Variants in MX1 observed in about 807,000 individuals in gnomAD.
MX1 encodes interferon-induced GTP-binding protein Mx1.
In MX1, 66 loss-of-function variants were observed where a neutral mutation model predicts 66.4. The ratio of observed to expected loss-of-function variants is 0.99; its 90% CI spans 0.82 to 1.22. The LOEUF is 1.22. Among genes scored for constraint, MX1 ranks in the 50% most tolerant of loss-of-function variants. The pLI is 0.00. For synonymous variants in MX1, 311 were observed against 318.1 expected (o/e 0.98, Z 0.24); for missense variants, 787 against 834.3 (o/e 0.94, Z 0.70).
At chr21:41,449,573 C>T (rs1368317015) in intron 14 of MX1, 2 of 315,458 alleles carry the variant, frequency 6.3e-6, no homozygotes, top group Non-Finnish European at 1.1e-5. Context: ...TCCTATTCTT[C>T]TGATGGACTG....
At chr21:41,431,558 C>T (rs2090213205) in intron 4 of MX1, among the ~76,000 whole-genome samples, 1 of 151,732 alleles carries the variant, frequency 6.6e-6, no homozygotes, top group African/African-American at 2.4e-5. Flanking sequence ...TGACTGCATC[C>T]TCTGCCTGCC....
Position 41,458,831 on chromosome 21 carries a change from C to A in MX1, c.*73C>A. Reference sequence around the variant, plus strand: ...CGTTCCCGGGTAGCCACTGGACTGACGACTTGAGTGCTCAGTAGTCAGACT... The same window carrying A: ...CGTTCCCGGGTAGCCACTGGACTGAAGACTTGAGTGCTCAGTAGTCAGACT... On this transcript the variant is annotated 3_prime_UTR_variant, in exon 17 of 17. Transcript: ENST00000398598. 6.5e-7 allele frequency: 1 copy of A among 1,540,560 alleles called. No individual in the cohort carries two copies. Among genetic ancestry groups the A allele is most frequent in the Non-Finnish European group, 8.7e-7 (1 of 1,146,394 alleles).
At chr21:41,434,019 G>A (rs1019521838) in intron 5 of MX1, among the ~76,000 whole-genome samples, 3 of 152,120 alleles carry the variant, frequency 2.0e-5, no homozygotes, top group Non-Finnish European at 4.4e-5. Flanking sequence ...GTGAATAGAG[G>A]CCAGGTATTT....
chr21:41,443,677 C>T (rs2090578934), intron 10 of MX1, 111 bp from the exon 11 acceptor site: 2 of 889,626 alleles, frequency 2.2e-6, no homozygotes, highest in Non-Finnish European at 3.8e-6. Context: ...CAAGACATTC[C>T]ATCCAGTTGT....
chr21:41,434,580 T>G (rs1031939560), intron 5 of MX1, among the ~76,000 whole-genome samples: 2 of 152,254 alleles, frequency 1.3e-5, no homozygotes, highest in African/African-American at 4.8e-5. Flanking sequence ...CATGTCTCCT[T>G]TGTTGTCTTA....
chr21:41,443,716 C>A, intron 10 of MX1, 72 bp from the exon 11 acceptor site: 1 of 1,484,052 alleles, frequency 6.7e-7, no homozygotes, highest in Non-Finnish European at 9.4e-7. Flanking sequence ...TTGACTTTCC[C>A]CAACAGCAAA....
chr21:41,441,102 A>AGAATGGGGGAGCACG lies in MX1; in HGVS notation c.730+77_730+78insGAATGGGGGAGCACG. The AGAATGGGGGAGCACG allele has an allele frequency of 1.5e-6, 2 of 1,293,894 alleles. No homozygotes were observed. Among genetic ancestry groups the AGAATGGGGGAGCACG allele is most frequent in the Non-Finnish European group, 2.0e-6 (2 of 977,466 alleles). The allele number at this position is 1,293,894 out of a possible 1,614,324, so 80.2% of individuals were successfully genotyped here. A position where few individuals can be genotyped will look rare whatever the true frequency, so the allele number is the denominator to read the frequency against. ...GTGCTCGGTGAGAATGGGGGAGCCC[A>AGAATGGGGGAGCACG]CCTGTGCTCGGTGAGAATGGGGGAG... On this transcript the variant is annotated intron_variant, in intron 9 of 16. Coordinates refer to ENST00000398598, the MANE Select transcript of MX1 (RefSeq NM_002462.5). The surrounding 1 kb of genome is among the most constrained non-coding windows in gnomAD (Gnocchi z 4.0).
chr21:41,449,198 G>A lies in MX1; in HGVS notation c.1335G>A (p.Leu445=). Residue 445 remains leucine (L), a synonymous_variant, in exon 14 of 17, where the codon CTG becomes CTA. Transcript: ENST00000398598. The part of the protein sequence containing the change: ...KFENQYRGRE[L]PGFVNYRTFE... ...AAAATCAGTATCGTGGTAGAGAGCT[G>A]CCAGGCTTTGTGAATTACAGGACAT... The A allele has an allele frequency of 1.2e-6, 2 of 1,613,992 alleles. No homozygotes were observed. The highest frequency in any genetic ancestry group is 4.5e-5 in the East Asian group (2 of 44,882).
At chr21:41,439,931 A>G (rs995123007) in intron 8 of MX1, 83 bp downstream of exon 8, 14 of 1,455,656 alleles carry the variant, frequency 9.6e-6, no homozygotes, top group Non-Finnish European at 1.3e-5. Flanking sequence ...AGGGTACTGT[A>G]TTAGAGTAAC....
At chr21:41,434,701 T>A (rs2090313276) in intron 5 of MX1, among the ~76,000 whole-genome samples, 1 of 152,228 alleles carries the variant, frequency 6.6e-6, no homozygotes, top group Non-Finnish European at 1.5e-5. Context: ...ATAGTGTATT[T>A]CCATCTCTCT....
At chr21:41,444,122 A>T (rs758144935) in intron 11 of MX1, among the ~76,000 whole-genome samples, 8 of 152,140 alleles carry the variant, frequency 5.3e-5, no homozygotes, top group Non-Finnish European at 1.0e-4. Flanking sequence ...GGGCCAAAAT[A>T]AAAATTAAAA....
rs534175796 is a variant in MX1 at position 41,445,159 on chromosome 21, G to T, written c.1009-289G>T. On this transcript the variant is annotated intron_variant, in intron 11 of 16. Coordinates refer to ENST00000398598, the MANE Select transcript of MX1 (RefSeq NM_002462.5). ...TACCTAATATGACCACAGAGGAACT[G>T]CTCCCGGGTCACTCTGCCGGGGCCT... Among the ~76,000 whole-genome samples, 3 of 152,276 alleles carry T rather than the reference G, an allele frequency of 2.0e-5. No individual in the cohort carries two copies. The South Asian group carries it at 6.2e-4, about 32-fold the overall frequency.
chr21:41,422,562 A>G (rs1346023905), upstream of MX1, among the ~76,000 whole-genome samples: 1 of 152,172 alleles, frequency 6.6e-6, no homozygotes, highest in East Asian at 1.9e-4. Flanking sequence ...CAGGGATGGC[A>G]ATGGGGTAAC....
At chr21:41,455,296 A>G (rs1419492328) in intron 16 of MX1, among the ~76,000 whole-genome samples, 2 of 152,214 alleles carry the variant, frequency 1.3e-5, no homozygotes, top group African/African-American at 4.8e-5. Flanking sequence ...CCGAGGGTCA[A>G]CATCCATTCC....
At chr21:41,453,140 T>C (rs2146347054) in intron 16 of MX1, among the ~76,000 whole-genome samples, 1 of 152,296 alleles carries the variant, frequency 6.6e-6, no homozygotes, top group Non-Finnish European at 1.5e-5. Flanking sequence ...TGGGCACTTC[T>C]TACCTGGCGG....
chr21:41,457,067 G>A (rs1352188613), intron 16 of MX1, among the ~76,000 whole-genome samples: 1 of 152,070 alleles, frequency 6.6e-6, no homozygotes, highest in Non-Finnish European at 1.5e-5. Flanking sequence ...GCCTTGTTGG[G>A]GTTTTTTGAC....
chr21:41,447,287 C>A lies in MX1; in HGVS notation c.1273+1146C>A, dbSNP rs1180083290. On this transcript the variant is annotated intron_variant, in intron 13 of 16. Coordinates refer to ENST00000398598, the MANE Select transcript of MX1 (RefSeq NM_002462.5). ...ACTAGGCAGATGGGATGAGGGCCCA[C>A]CCTAGTGACCTGATTTCAATTTAAT... 2.0e-5 allele frequency among the ~76,000 whole-genome samples: 3 copies of A among 152,154 alleles called. No homozygotes were observed. In the East Asian group the frequency reaches 5.8e-4, roughly 29 times the overall value.
At chr21:41,425,582 A>G (rs1013844346), upstream of MX1, among the ~76,000 whole-genome samples, 3 of 152,170 alleles carry the variant, frequency 2.0e-5, no homozygotes, top group Non-Finnish European at 4.4e-5. Context: ...CCTGACAACT[A>G]TTACCTATGT....
At chr21:41,449,027 C>T (rs1601527704) in intron 13 of MX1, 110 bp from the exon 14 acceptor site, 1 of 974,904 alleles carries the variant, frequency 1.0e-6, no homozygotes, top group Non-Finnish European at 1.5e-6. Flanking sequence ...TTTGATACCA[C>T]TTTTTCTTGC....
Sources: allele counts gnomAD v4.1 joint callset (sites outside exome capture counted in the v4.1 genomes callset), GRCh38; gene constraint gnomAD v4.1.1; non-coding constraint Gnocchi (gnomAD v3.1); transcripts MANE v1.5; gene names NCBI Gene and HGNC (gene_info 2026-07-23, HGNC 2026-07-21).